HPSE2: variants seen among roughly 807,000 people sequenced by gnomAD.
The protein encoded by HPSE2 is inactive heparanase-2.
Under a neutral mutation model 60.5 loss-of-function variants are expected in HPSE2, and 38 were observed. That is an observed-to-expected ratio of 0.63 (90% CI 0.48 to 0.82). The LOEUF is 0.82. HPSE2 is among the 40% of genes least tolerant of loss of function. The pLI is 0.00. For synonymous variants in HPSE2, 295 were observed against 293.2 expected (o/e 1.01, Z -0.06); for missense variants, 713 against 740.4 (o/e 0.96, Z 0.43).
At chr10:98,920,543 T>C (rs1185531195) in intron 3 of HPSE2, among the ~76,000 whole-genome samples, 1 of 152,172 alleles carries the variant, frequency 6.6e-6, no homozygotes, top group Non-Finnish European at 1.5e-5. Flanking sequence ...TAAACCACCC[T>C]GACCTCAGGG....
At chr10:98,722,555 G>A (rs886965253) in intron 4 of HPSE2, among the ~76,000 whole-genome samples, 25 of 152,062 alleles carry the variant, frequency 1.6e-4, no homozygotes, top group Non-Finnish European at 3.7e-4. Flanking sequence ...ATGGTAAGAA[G>A]TGAAATCTTC....
At chr10:99,179,109 C>T (rs1043655116) in intron 2 of HPSE2, among the ~76,000 whole-genome samples, 5 of 152,040 alleles carry the variant, frequency 3.3e-5, no homozygotes, top group Non-Finnish European at 7.4e-5. Context: ...GGGTATTGAT[C>T]GAATGCATCT....
At chr10:99,059,515 T>C (rs1487609930) in intron 3 of HPSE2, among the ~76,000 whole-genome samples, 2 of 152,198 alleles carry the variant, frequency 1.3e-5, no homozygotes, top group Non-Finnish European at 2.9e-5. Flanking sequence ...TTTTCAAGTA[T>C]TTACTAGTGT....
chr10:98,771,987 T>C (rs1216969546), intron 3 of HPSE2, among the ~76,000 whole-genome samples: 2 of 152,128 alleles, frequency 1.3e-5, no homozygotes, highest in Admixed American at 1.3e-4. Flanking sequence ...GCTAAGGCCA[T>C]TAGGAATGTG....
chr10:99,169,383 T>G (rs1208269349), intron 2 of HPSE2, among the ~76,000 whole-genome samples: 3 of 150,382 alleles, frequency 2.0e-5, no homozygotes, highest in Non-Finnish European at 3.0e-5. Flanking sequence ...CATGCGCCTG[T>G]GGTCCCAGCT....
At chr10:99,202,816 A>C (rs945125807) in intron 2 of HPSE2, among the ~76,000 whole-genome samples, 1 of 152,202 alleles carries the variant, frequency 6.6e-6, no homozygotes, top group African/African-American at 2.4e-5. Flanking sequence ...GTGAGAGATT[A>C]TAGCACCTAG....
chr10:98,941,987 C>A lies in HPSE2; in HGVS notation c.611-197931G>T, dbSNP rs1469282558. On this transcript the variant is annotated intron_variant, in intron 3 of 11. Transcript: ENST00000370552. ...AAAAACAAGCAATGGGGAAAGGATT[C>A]CCTATTTAATAAATGGTGCTGGGAA... is the stretch of plus-strand genomic sequence containing the variant. Among the ~76,000 whole-genome samples the A allele has an allele frequency of 1.4e-5, 2 of 142,986 alleles. 1 individual carries two copies. The highest frequency in any genetic ancestry group is 3.0e-5 in the Non-Finnish European group (2 of 66,896). 93.8% of individuals were successfully genotyped at this position (142,986 alleles called of 152,430 possible).
intron 3 of HPSE2, among the ~76,000 whole-genome samples, chr10:99,017,166 G>C (rs865911941): frequency 9.2e-5 from 14 of 152,236 alleles, no homozygotes; most frequent in African/African-American, 3.4e-4. Flanking sequence ...CTATGGGTTT[G>C]TCACACATAG....
intron 3 of HPSE2, among the ~76,000 whole-genome samples, chr10:98,967,570 G>T (rs927259165): frequency 3.3e-5 from 5 of 151,950 alleles, no homozygotes; most frequent in African/African-American, 1.2e-4. Context: ...TGTTTAAAAA[G>T]AAAAACAAAT....
intron 11 of HPSE2, among the ~76,000 whole-genome samples, chr10:98,471,580 A>C (rs1416142779): frequency 6.6e-6 from 1 of 152,056 alleles, no homozygotes; most frequent in Non-Finnish European, 1.5e-5. Context: ...CTTTCCAAAG[A>C]CAAGTTTTTT....
intron 5 of HPSE2, among the ~76,000 whole-genome samples, chr10:98,713,978 A>G (rs1948733540): frequency 6.6e-6 from 1 of 151,726 alleles, no homozygotes; most frequent in Admixed American, 6.6e-5. Flanking sequence ...TTCTATTTCT[A>G]TCAACTGTCC....
chr10:98,738,798 T>C (rs925775743), intron 4 of HPSE2, among the ~76,000 whole-genome samples: 20 of 152,184 alleles, frequency 1.3e-4, no homozygotes, highest in Non-Finnish European at 2.8e-4. Context: ...GTTAGAATTA[T>C]GATCATTAAA....
chr10:98,684,563 A>C (rs535234554), intron 6 of HPSE2, among the ~76,000 whole-genome samples: 6 of 152,324 alleles, frequency 3.9e-5, no homozygotes, highest in Admixed American at 1.3e-4. Context: ...CCAATATTTA[A>C]GATATAAACT....
At chr10:99,286,679 A>C in the HPSE2 span, among the ~76,000 whole-genome samples, 1 of 152,126 alleles carries the variant, frequency 6.6e-6, no homozygotes, top group Non-Finnish European at 1.5e-5. Context: ...TAAAATGAAA[A>C]TTTTCTGTTA....
chr10:98,842,198 T>C (rs1318355355), intron 3 of HPSE2, among the ~76,000 whole-genome samples: 3 of 152,194 alleles, frequency 2.0e-5, no homozygotes, highest in African/African-American at 7.2e-5. Context: ...ATTTCTTGAG[T>C]ATCTGTTATG....
chr10:98,541,916 G>C (rs1285818927), intron 9 of HPSE2, among the ~76,000 whole-genome samples: 1 of 152,120 alleles, frequency 6.6e-6, no homozygotes. Context: ...AAAGACAGCA[G>C]TAACCTCTGC....
intron 2 of HPSE2, among the ~76,000 whole-genome samples, chr10:99,175,612 C>T (rs981119681): frequency 2.0e-5 from 3 of 152,216 alleles, no homozygotes; most frequent in African/African-American, 7.2e-5. Context: ...AGAAAGGCAG[C>T]AGCCCCAGTC....
intron 2 of HPSE2, among the ~76,000 whole-genome samples, chr10:99,191,399 G>A (rs1481254561): frequency 2.0e-5 from 3 of 151,898 alleles, no homozygotes; most frequent in African/African-American, 7.3e-5. Context: ...CTATCTCAAG[G>A]CAGCTCAGCA....
Position 98,620,592 on chromosome 10 carries a change from T to C in HPSE2, c.1205+10A>G. On this transcript the variant is annotated intron_variant, in intron 8 of 11. Transcript: ENST00000370552. ...AAGCCCCTGGGGGTGAACTTGCAGGTGTTACTCACAAGAATCCTGCAGCAT... is the reference window on the plus strand; with the variant it reads ...AAGCCCCTGGGGGTGAACTTGCAGGCGTTACTCACAAGAATCCTGCAGCAT... 6.2e-7 allele frequency: 1 copy of C among 1,601,364 alleles called. No homozygotes were observed.
Sources: allele counts gnomAD v4.1 joint callset (sites outside exome capture counted in the v4.1 genomes callset), GRCh38; gene constraint gnomAD v4.1.1; transcripts MANE v1.5; gene names NCBI Gene and HGNC (gene_info 2026-07-23, HGNC 2026-07-21).